The following NEGR1 variants were observed in gnomAD, a reference collection of about 807,000 sequenced individuals.
NEGR1 encodes neuronal growth regulator 1.
NEGR1 carries 10 observed loss-of-function variants against 40.9 expected under a neutral mutation model. The ratio of observed to expected loss-of-function variants is 0.24; its 90% confidence interval spans 0.15 to 0.42. The LOEUF (loss-of-function observed/expected upper bound fraction) is 0.42. Ranked by LOEUF, NEGR1 falls within the 10% of genes least tolerant of loss-of-function variation. NEGR1 has a pLI of 1.00. For missense variants in NEGR1, 352 were observed against 438.9 expected, an observed-to-expected ratio of 0.80 and a Z score of 1.77; for synonymous variants, 185 against 166.8, an observed-to-expected ratio of 1.11 and a Z score of -0.84.
intron 6 of NEGR1, among the ~76,000 whole-genome samples, chr1:71,561,377 A>G (rs1346371344): frequency 6.6e-6 from 1 of 151,648 alleles, no homozygotes; most frequent in Non-Finnish European, 1.5e-5. Context: ...AAATTTCCGC[A>G]GTTTGGATGA....
At chr1:72,034,490 G>T (rs1272069544) in intron 1 of NEGR1, among the ~76,000 whole-genome samples, 1 of 151,992 alleles carries the variant, frequency 6.6e-6, no homozygotes, top group East Asian at 1.9e-4. Flanking sequence ...TTCTGATAAA[G>T]GTATTCCATT....
intron 4 of NEGR1, among the ~76,000 whole-genome samples, chr1:71,655,811 T>A (rs1004579799): frequency 2.6e-5 from 4 of 152,130 alleles, no homozygotes; most frequent in African/African-American, 9.7e-5. Flanking sequence ...GTGAAAGGCA[T>A]CACAGAGGGA....
At chr1:71,836,670 C>T (rs186377014) in intron 2 of NEGR1, among the ~76,000 whole-genome samples, 2 of 151,966 alleles carry the variant, frequency 1.3e-5, no homozygotes, top group East Asian at 1.9e-4. Context: ...AAAACTCACT[C>T]TAAACAAAAT....
At chr1:72,051,259 C>G (rs1032537659) in intron 1 of NEGR1, among the ~76,000 whole-genome samples, 58 of 151,474 alleles carry the variant, frequency 3.8e-4, no homozygotes, top group African/African-American at 1.1e-3. Context: ...TACTAAAATA[C>G]ATATTACAAT....
intron 6 of NEGR1, among the ~76,000 whole-genome samples, chr1:71,495,927 G>A (rs940677187): frequency 2.6e-5 from 4 of 152,136 alleles, no homozygotes; most frequent in East Asian, 3.9e-4. Context: ...GGGATGAATA[G>A]TTGATGATGG....
intron 3 of NEGR1, among the ~76,000 whole-genome samples, chr1:71,707,317 C>A (rs1321067869): frequency 6.6e-6 from 1 of 152,106 alleles, no homozygotes; most frequent in Non-Finnish European, 1.5e-5. Context: ...CACAAGCTGA[C>A]CTAAGATACT....
At chr1:72,063,222 G>A (rs1475503348) in intron 1 of NEGR1, among the ~76,000 whole-genome samples, 1 of 151,846 alleles carries the variant, frequency 6.6e-6, no homozygotes, top group Non-Finnish European at 1.5e-5. Context: ...TGTAAACACT[G>A]TTTTACACAT....
rs1359877234 is a variant in NEGR1 at position 71,476,246 on chromosome 1, T to G, written c.941-68676A>C. Among the ~76,000 whole-genome samples the G allele has an allele frequency of 2.0e-5, 3 of 152,144 alleles. No individual in the cohort carries two copies. The East Asian group carries it at 5.8e-4, about 29-fold the overall frequency. On this transcript the variant is annotated intron_variant, in intron 6 of 6. Coordinates refer to ENST00000357731, the MANE Select transcript of NEGR1 (RefSeq NM_173808.3). Reference sequence around the variant, plus strand: ...GAAAGAAAGAATTTGAAGACCCCACTGAAGCTTTAAAAGATTGTAGAATTA... The same window carrying G: ...GAAAGAAAGAATTTGAAGACCCCACGGAAGCTTTAAAAGATTGTAGAATTA...
chr1:71,678,442 A>G lies in NEGR1; in HGVS notation c.667+19566T>C, dbSNP rs568822753. 1.4e-3 allele frequency among the ~76,000 whole-genome samples: 213 copies of G among 152,306 alleles called. 1 individual carries two copies. Among genetic ancestry groups the G allele is most frequent in the African/African-American group, 4.9e-3 (204 of 41,582 alleles). On this transcript the variant is annotated intron_variant, in intron 4 of 6. Transcript: ENST00000357731. ...AACAAGTATAATACAGTAAGTAATGAACTTTTTGTTCAGAATTTATCTTAA... is the reference window on the plus strand; with the variant it reads ...AACAAGTATAATACAGTAAGTAATGGACTTTTTGTTCAGAATTTATCTTAA...
At chr1:71,961,840 T>A (rs779381349) in intron 1 of NEGR1, among the ~76,000 whole-genome samples, 2 of 152,114 alleles carry the variant, frequency 1.3e-5, no homozygotes, top group Admixed American at 6.6e-5. Flanking sequence ...TGGACTTAGT[T>A]TGAAATTCCA....
rs1429835620 is a variant in NEGR1, at chr1:71,397,230, A to G, written c.*10216T>C. ...AGAGATGTGTAGAACTTTGAAGTTG[A>G]GAGAGGTGATTTAGGATATTTGGAG... On this transcript the variant is annotated 3_prime_UTR_variant, in exon 7 of 7. Transcript: ENST00000357731. 6.5e-6 allele frequency: 1 copy of G among 152,920 alleles called. No individual in the cohort carries two copies. The highest frequency in any genetic ancestry group is 1.5e-5 in the Non-Finnish European group (1 of 68,748). The allele number at this position is 152,920 out of a possible 1,614,324, so 9.5% of individuals were successfully genotyped here.
intron 6 of NEGR1, among the ~76,000 whole-genome samples, chr1:71,493,340 A>C (rs929438173): frequency 5.9e-5 from 9 of 152,112 alleles, no homozygotes; most frequent in Non-Finnish European, 1.2e-4. Flanking sequence ...TCTACTATCC[A>C]AATACTTATT....
intron 1 of NEGR1, among the ~76,000 whole-genome samples, chr1:72,200,544 T>C (rs909996627): frequency 1.3e-5 from 2 of 152,096 alleles, no homozygotes; most frequent in African/African-American, 2.4e-5. Context: ...TTGAGCACTA[T>C]GCTCACTATC....
At chr1:71,764,089 C>A (rs1243078950) in intron 3 of NEGR1, among the ~76,000 whole-genome samples, 2 of 152,150 alleles carry the variant, frequency 1.3e-5, no homozygotes, top group African/African-American at 4.8e-5. Context: ...TAATTCCATA[C>A]AAGTGGTGAC....
intron 1 of NEGR1, among the ~76,000 whole-genome samples, chr1:72,030,557 T>C (rs1208923922): frequency 2.6e-5 from 4 of 152,200 alleles, no homozygotes; most frequent in Non-Finnish European, 2.9e-5. Context: ...ATTATTTTTA[T>C]TCATAAAGTA....
chr1:72,071,870 C>G (rs192713215), intron 1 of NEGR1, among the ~76,000 whole-genome samples: 99 of 152,250 alleles, frequency 6.5e-4, no homozygotes, highest in African/African-American at 2.2e-3. Flanking sequence ...CAGTATTCCT[C>G]TGTGTCACAA....
chr1:72,252,123 T>C (rs1268638120), intron 1 of NEGR1, among the ~76,000 whole-genome samples: 1 of 138,610 alleles, frequency 7.2e-6, no homozygotes, highest in Non-Finnish European at 1.5e-5. Context: ...TTTCTTTTTT[T>C]AGACAGAGTT....
intron 2 of NEGR1, among the ~76,000 whole-genome samples, chr1:71,841,005 G>T (rs1441019634): frequency 6.6e-6 from 1 of 152,078 alleles, no homozygotes; most frequent in African/African-American, 2.4e-5. Context: ...AGGCTACCTT[G>T]AAGATTTTGG....
chr1:72,221,531 C>T (rs745650087), intron 1 of NEGR1, among the ~76,000 whole-genome samples: 2 of 151,994 alleles, frequency 1.3e-5, no homozygotes, highest in Non-Finnish European at 2.9e-5. Flanking sequence ...AAACTCAGTC[C>T]AGCATTTCCT....
Sources: allele counts gnomAD v4.1 joint callset (sites outside exome capture counted in the v4.1 genomes callset), GRCh38; gene constraint gnomAD v4.1.1; transcripts MANE v1.5; gene names NCBI Gene and HGNC (gene_info 2026-07-23, HGNC 2026-07-21).